PRSS23: variants seen among roughly 807,000 people sequenced by gnomAD.
The protein encoded by PRSS23 is protease, serine 23.
A neutral mutation model predicts 34.7 loss-of-function variants in PRSS23; 25 were observed. The ratio of observed to expected loss-of-function variants is 0.72; its 90% CI spans 0.53 to 1.01. The LOEUF (loss-of-function observed/expected upper bound fraction) is 1.01. Ranked by LOEUF, PRSS23 falls within the 50% of genes least tolerant of loss-of-function variation. The probability of loss-of-function intolerance (pLI) is 0.00; values close to 1 mark genes in which losing one functional copy is unlikely to be tolerated. For synonymous variants in PRSS23, 176 were observed against 186.6 expected, an observed-to-expected ratio of 0.94 and a Z score of 0.46; for missense variants, 445 against 475.6, an observed-to-expected ratio of 0.94 and a Z score of 0.60.
intron 2 of PRSS23, among the ~76,000 whole-genome samples, chr11:86,828,656 T>C (rs1417453523): frequency 6.6e-6 from 1 of 152,202 alleles, no homozygotes; most frequent in African/African-American, 2.4e-5. Flanking sequence ...CCATGTTTAG[T>C]GCTTCCTTCA....
chr11:86,898,771 A>C (rs1948892603), intron 2 of PRSS23, among the ~76,000 whole-genome samples: 1 of 152,196 alleles, frequency 6.6e-6, no homozygotes, highest in East Asian at 1.9e-4. Flanking sequence ...TGCGGTGTGC[A>C]TATCTCTTCT....
chr11:86,879,317 G>A (rs11501855), intron 2 of PRSS23, among the ~76,000 whole-genome samples: 72,760 of 139,258 alleles, frequency 0.52, 20,514 homozygotes, highest in African/African-American at 0.73. Context: ...CAGCCGCCCC[G>A]TCTGAGAAGT....
At chr11:86,902,456 C>T (rs1402196633) in intron 2 of PRSS23, among the ~76,000 whole-genome samples, 2 of 152,178 alleles carry the variant, frequency 1.3e-5, no homozygotes, top group Non-Finnish European at 2.9e-5. Flanking sequence ...ACCCAAGCTT[C>T]GGCCACTTCA....
At chr11:86,926,996 A>G (rs1027871517) in intron 2 of PRSS23, among the ~76,000 whole-genome samples, 2 of 152,194 alleles carry the variant, frequency 1.3e-5, no homozygotes, top group Non-Finnish European at 2.9e-5. Flanking sequence ...TCAAACTCCA[A>G]CATGTAGTCA....
intron 2 of PRSS23, among the ~76,000 whole-genome samples, chr11:86,943,732 A>T (rs573059549): frequency 3.9e-5 from 6 of 152,150 alleles, no homozygotes; most frequent in Non-Finnish European, 5.9e-5. Flanking sequence ...GGGTGGCCAA[A>T]GGCAACAGGA....
At chr11:86,950,945 C>T in intron 2 of PRSS23, 1 of 642,698 alleles carries the variant, frequency 1.6e-6, no homozygotes. Context: ...CATTTTGGAT[C>T]ATTCCAAAGT....
chr11:86,878,911 C>T (rs1442322635), intron 2 of PRSS23, among the ~76,000 whole-genome samples: 6 of 142,116 alleles, frequency 4.2e-5, no homozygotes, highest in African/African-American at 1.4e-4. Flanking sequence ...CGTCTCTGCC[C>T]GGCCGCCATC....
At chr11:86,811,551 T>G (rs1027496146), downstream of PRSS23, among the ~76,000 whole-genome samples, 4 of 152,196 alleles carry the variant, frequency 2.6e-5, no homozygotes, top group Admixed American at 2.6e-4. Flanking sequence ...ATAGTGTTTT[T>G]AAAAGGTGGG....
chr11:86,899,807 A>G (rs2134982303), intron 2 of PRSS23, among the ~76,000 whole-genome samples: 1 of 151,256 alleles, frequency 6.6e-6, no homozygotes, highest in Admixed American at 6.6e-5. Context: ...TGAGCCACCA[A>G]GTCCGGCCGC....
intron 2 of PRSS23, among the ~76,000 whole-genome samples, chr11:86,885,893 T>C (rs575927009): frequency 1.3e-4 from 20 of 152,228 alleles, no homozygotes; most frequent in Non-Finnish European, 2.6e-4. Context: ...TCAGAAAATA[T>C]GTCCATCAAC....
chr11:86,801,971 C>A (rs570085924), intron 1 of PRSS23, among the ~76,000 whole-genome samples: 55 of 152,316 alleles, frequency 3.6e-4, no homozygotes, highest in African/African-American at 1.3e-3. Context: ...ATATGGATCT[C>A]ATTTTTGTAA....
downstream of PRSS23, among the ~76,000 whole-genome samples, chr11:86,811,407 G>C (rs755246034): frequency 7.9e-5 from 12 of 152,140 alleles, no homozygotes; most frequent in Non-Finnish European, 1.8e-4. Context: ...CCAGGATTTG[G>C]AAATCTTCAC....
intron 2 of PRSS23, among the ~76,000 whole-genome samples, chr11:86,839,499 G>C (rs1012604398): frequency 7.2e-5 from 11 of 152,168 alleles, no homozygotes; most frequent in African/African-American, 2.7e-4. Context: ...AAGTGATAGG[G>C]AGAATGGAAC....
downstream of PRSS23, among the ~76,000 whole-genome samples, chr11:86,815,500 G>C: frequency 6.6e-6 from 1 of 152,082 alleles, no homozygotes; most frequent in East Asian, 1.9e-4. Flanking sequence ...TGATGACTTA[G>C]GGTTATGTGA....
At chr11:86,833,333 G>A (rs985572960) in intron 2 of PRSS23, 10 of 1,066,236 alleles carry the variant, frequency 9.4e-6, no homozygotes, top group African/African-American at 4.7e-5. Flanking sequence ...ATAATGAGCA[G>A]ATTCTCCAGC....
At chr11:86,811,423 G>A (rs1034873543), downstream of PRSS23, among the ~76,000 whole-genome samples, 2 of 152,162 alleles carry the variant, frequency 1.3e-5, no homozygotes, top group African/African-American at 4.8e-5. Flanking sequence ...TTCACAGCGT[G>A]AAATTAGAAG....
chr11:86,896,422 C>T (rs533268631), intron 2 of PRSS23: 1 of 151,778 alleles, frequency 6.6e-6, no homozygotes, highest in African/African-American at 2.4e-5. Flanking sequence ...CCTTATTTTC[C>T]ATTTTAAATT....
At chr11:86,951,784 T>G (rs774854581) in exon 3 of PRSS23, 12 of 1,614,020 alleles carry the variant, frequency 7.4e-6, no homozygotes, top group Non-Finnish European at 1.0e-5. Context: ...ACCAAGTGAG[T>G]GTCAGAATAA....
chr11:86,821,757 A>G (rs1470436388), intron 1 of PRSS23: 3 of 1,280,520 alleles, frequency 2.3e-6, no homozygotes, highest in African/African-American at 3.0e-5. Context: ...CAGGCCAATT[A>G]TAAAAATCCT....
Sources: gnomAD v4.1 joint callset for allele counts (sites outside exome capture counted in the v4.1 genomes callset) on GRCh38, gnomAD v4.1.1 for gene constraint, MANE v1.5 for transcripts, NCBI Gene and HGNC (gene_info 2026-07-23, HGNC 2026-07-21) for gene names.